Variants in LRP1B observed in about 807,000 individuals in gnomAD.
The protein encoded by LRP1B is low-density lipoprotein receptor-related protein 1B.
Under a neutral mutation model 556.6 loss-of-function variants are expected in LRP1B, and 217 were observed. That is an observed-to-expected ratio of 0.39 (90% confidence interval 0.35 to 0.44). The LOEUF (loss-of-function observed/expected upper bound fraction) is 0.44, where lower values mean the gene tolerates loss of function less well. Among genes scored for constraint, LRP1B ranks in the 20% least tolerant of loss-of-function variants. The probability of loss-of-function intolerance (pLI) is 1.00; values close to 1 mark genes in which losing one functional copy is unlikely to be tolerated. For synonymous variants in LRP1B, 2,047 were observed against 1,865.8 expected (o/e 1.10, Z -2.50); for missense variants, 5,053 against 5,620.8 (o/e 0.90, Z 3.23).
At chr2:140,955,556 TA>T (rs1361098212) in intron 18 of LRP1B, among the ~76,000 whole-genome samples, 42 of 151,928 alleles carry the variant, frequency 2.8e-4, no homozygotes, top group Non-Finnish European at 5.3e-4. Flanking sequence ...AAAAGAAAAC[TA>T]TATTTTATCT....
intron 41 of LRP1B, among the ~76,000 whole-genome samples, chr2:140,671,558 C>G (rs1464356615): frequency 6.6e-6 from 1 of 152,162 alleles, no homozygotes; most frequent in Non-Finnish European, 1.5e-5. Context: ...GTTTTCTTGT[C>G]TTTTCCAGTT....
chr2:141,451,224 C>T (rs13029426), intron 3 of LRP1B, among the ~76,000 whole-genome samples: 21,785 of 152,050 alleles, frequency 0.14, 1,784 homozygotes, highest in South Asian at 0.27. Context: ...GAAACACTAA[C>T]CCATCTGTGT....
intron 41 of LRP1B, among the ~76,000 whole-genome samples, chr2:140,618,567 T>C (rs1192188661): frequency 6.6e-6 from 1 of 152,148 alleles, no homozygotes; most frequent in Non-Finnish European, 1.5e-5. Context: ...ATAATATCTC[T>C]TCATGCCATG....
Position 141,450,086 on chromosome 2 carries a change from A to G in LRP1B, c.343+30310T>C, listed in dbSNP as rs369807466. On this transcript the variant is annotated intron_variant, in intron 3 of 90. Transcript: ENST00000389484. ...TTAAACGTTGAGGAGGGAAGAAAGG[A>G]TAAAGGAAGAGAAGGAGGGTTGGAA... 7.2e-5 allele frequency among the ~76,000 whole-genome samples: 11 copies of G among 152,296 alleles called. 1 individual carries two copies. The East Asian group carries it at 2.1e-3, about 29-fold the overall frequency.
intron 11 of LRP1B, among the ~76,000 whole-genome samples, chr2:141,034,081 TA>T (rs936162864): frequency 6.6e-6 from 1 of 152,066 alleles, no homozygotes; most frequent in Non-Finnish European, 1.5e-5. Context: ...TTAAGGCCTT[TA>T]AAAAAATCTC....
At chr2:141,694,896 C>T (rs181421990) in intron 2 of LRP1B, among the ~76,000 whole-genome samples, 50 of 152,138 alleles carry the variant, frequency 3.3e-4, no homozygotes, top group African/African-American at 1.1e-3. Flanking sequence ...TTGTTCTACA[C>T]ACTCATCATC....
At chr2:141,468,426 A>G (rs1475864565) in intron 3 of LRP1B, among the ~76,000 whole-genome samples, 2 of 152,220 alleles carry the variant, frequency 1.3e-5, no homozygotes, top group Non-Finnish European at 2.9e-5. Flanking sequence ...CAATAGACAC[A>G]GGCTAGGAAA....
At chr2:142,088,429 TTAATA>T (rs1470534053) in intron 1 of LRP1B, among the ~76,000 whole-genome samples, 1 of 152,216 alleles carries the variant, frequency 6.6e-6, no homozygotes, top group Non-Finnish European at 1.5e-5. Context: ...AATTATATGA[TTAATA>T]TAAGCCATAG....
chr2:141,443,988 T>A (rs1480350933), intron 3 of LRP1B, among the ~76,000 whole-genome samples: 4 of 152,196 alleles, frequency 2.6e-5, no homozygotes, highest in Non-Finnish European at 5.9e-5. Context: ...GGTAGCTTGA[T>A]GGGTATAGCA....
At chr2:140,496,080 A>G (rs1688914742) in intron 55 of LRP1B, among the ~76,000 whole-genome samples, 1 of 152,142 alleles carries the variant, frequency 6.6e-6, no homozygotes, top group South Asian at 2.1e-4. Context: ...ATTGCATTAC[A>G]TTGTCTTTTT....
chr2:140,406,335 C>T (rs1224623959), intron 66 of LRP1B, among the ~76,000 whole-genome samples: 1 of 151,886 alleles, frequency 6.6e-6, no homozygotes, highest in African/African-American at 2.4e-5. Context: ...ACTGAAAGTC[C>T]CAAGCCAGAG....
intron 43 of LRP1B, among the ~76,000 whole-genome samples, chr2:140,545,919 T>C (rs1307925682): frequency 6.6e-6 from 1 of 152,036 alleles, no homozygotes; most frequent in Admixed American, 6.6e-5. Flanking sequence ...TTTACTTGTG[T>C]CACCTCCGAC....
chr2:141,206,145 A>G (rs1487766156), intron 6 of LRP1B, among the ~76,000 whole-genome samples: 2 of 152,136 alleles, frequency 1.3e-5, no homozygotes, highest in Non-Finnish European at 1.5e-5. Flanking sequence ...ACACACACAC[A>G]CACACACACA....
intron 66 of LRP1B, among the ~76,000 whole-genome samples, chr2:140,388,811 G>C (rs1683880939): frequency 2.0e-5 from 3 of 152,060 alleles, no homozygotes; most frequent in Admixed American, 2.0e-4. Context: ...AAAATCACTT[G>C]GGGAACTTTA....
chr2:140,485,738 T>C (rs1688438039), intron 58 of LRP1B, among the ~76,000 whole-genome samples: 1 of 151,952 alleles, frequency 6.6e-6, no homozygotes, highest in South Asian at 2.1e-4. Context: ...ACACATAGTT[T>C]TAAATAAAAT....
chr2:140,390,761 A>G (rs1683979052), intron 66 of LRP1B, among the ~76,000 whole-genome samples: 1 of 133,694 alleles, frequency 7.5e-6, no homozygotes, highest in Non-Finnish European at 1.6e-5. Flanking sequence ...ACACTTGAAT[A>G]GAAACTTCAC....
At chr2:141,859,941 A>G (rs1479388596) in intron 1 of LRP1B, among the ~76,000 whole-genome samples, 1 of 152,172 alleles carries the variant, frequency 6.6e-6, no homozygotes, top group Admixed American at 6.5e-5. Flanking sequence ...ATGTTCAACA[A>G]TGTTAGAATT....
chr2:140,729,628 A>C (rs1687708547), intron 35 of LRP1B, among the ~76,000 whole-genome samples: 1 of 152,188 alleles, frequency 6.6e-6, no homozygotes, highest in Admixed American at 6.5e-5. Flanking sequence ...CATGTGTATT[A>C]AAGGAGACAC....
intron 35 of LRP1B, among the ~76,000 whole-genome samples, chr2:140,766,351 G>C (rs1166067838): frequency 6.6e-6 from 1 of 151,722 alleles, no homozygotes; most frequent in Non-Finnish European, 1.5e-5. Context: ...CCACTATAAA[G>C]ATATTATAAA....
Sources: allele counts gnomAD v4.1 joint callset (sites outside exome capture counted in the v4.1 genomes callset), GRCh38; gene constraint gnomAD v4.1.1; transcripts MANE v1.5; gene names NCBI Gene and HGNC (gene_info 2026-07-23, HGNC 2026-07-21).